Variants in GATAD2A observed in about 807,000 individuals in gnomAD.
GATAD2A encodes transcriptional repressor p66-alpha.
A neutral mutation model predicts 68.5 loss-of-function variants in GATAD2A; 12 were observed. The observed-to-expected ratio is 0.18, with a 90% CI of 0.11 to 0.28. The LOEUF is 0.28. GATAD2A is among the 10% of genes least tolerant of loss of function. The pLI is 1.00. For missense variants in GATAD2A, 755 were observed against 868.5 expected (o/e 0.87, Z 1.64); for synonymous variants, 410 against 375.3 (o/e 1.09, Z -1.07).
intron 1 of GATAD2A, 59 bp from the exon 2 acceptor site, chr19:19,465,281 A>G (rs2057780729): frequency 5.3e-6 from 7 of 1,322,116 alleles, no homozygotes; most frequent in African/African-American, 2.9e-5. Context: ...AAAGTCTCCA[A>G]GAAGGTGGCA....
At chr19:19,454,975 G>A (rs1298566444) in intron 1 of GATAD2A, among the ~76,000 whole-genome samples, 3 of 152,118 alleles carry the variant, frequency 2.0e-5, no homozygotes, top group Non-Finnish European at 2.9e-5. Context: ...AGTTTAATTC[G>A]CAGACACGCC....
intron 2 of GATAD2A, among the ~76,000 whole-genome samples, chr19:19,489,543 G>A (rs2059649178): frequency 6.6e-6 from 1 of 152,220 alleles, no homozygotes; most frequent in Non-Finnish European, 1.5e-5. Context: ...ATCATCTCTT[G>A]GATGAGTTAT....
At chr19:19,486,244 C>A (rs924159299) in intron 2 of GATAD2A, among the ~76,000 whole-genome samples, 2 of 152,244 alleles carry the variant, frequency 1.3e-5, no homozygotes, top group African/African-American at 4.8e-5. Context: ...GCAGATGTTT[C>A]AGGTTTGCCA....
chr19:19,418,012 C>A (rs1469712), intron 1 of GATAD2A, among the ~76,000 whole-genome samples: 65,202 of 151,632 alleles, frequency 0.43, 15,365 homozygotes, highest in African/African-American at 0.63. Context: ...GGGCACTCAG[C>A]TAAAGGGCGG....
rs139541580 is a variant in GATAD2A, at chr19:19,479,707, C to T, written c.270-12599C>T. 3.3e-5 allele frequency among the ~76,000 whole-genome samples: 5 copies of T among 152,184 alleles called. No homozygotes were observed. The East Asian group carries it at 5.8e-4, about 18-fold the overall frequency. ...AAAGGTACTGCTGGTCTTGAATGAA[C>T]GATCGTTTTGGTGAGGTGCCATTTG... On this transcript the variant is annotated intron_variant, in intron 2 of 11. Transcript: ENST00000683918.
At chr19:19,447,571 C>T (rs1424190102) in intron 1 of GATAD2A, among the ~76,000 whole-genome samples, 1 of 152,202 alleles carries the variant, frequency 6.6e-6, no homozygotes, top group Non-Finnish European at 1.5e-5. Context: ...GATTTCTGTC[C>T]CAGCCCTTAC....
At chr19:19,392,527 G>A (rs889204580) in intron 1 of GATAD2A, among the ~76,000 whole-genome samples, 16 of 151,316 alleles carry the variant, frequency 1.1e-4, no homozygotes, top group African/African-American at 3.2e-4. Flanking sequence ...GAGTAGCTGG[G>A]ATTACAGGCA....
In GATAD2A at chr19:19,453,130, C is replaced by T. The variant is rs867075229; in HGVS notation, c.-6-12210C>T. ...TTGCACTGTGACTGAAACCTCCCCT[C>T]CTCAGCGAGGCTTCTCCTGGGCCCC... On this transcript the variant is annotated intron_variant, in intron 1 of 11. Transcript: ENST00000683918. Among the ~76,000 whole-genome samples the T allele has an allele frequency of 2.7e-4, 41 of 152,296 alleles. 1 individual carries two copies. Among genetic ancestry groups the T allele is most frequent in the African/African-American group, 8.7e-4 (36 of 41,550 alleles).
chr19:19,453,980 T>A (rs1453871115), intron 1 of GATAD2A, among the ~76,000 whole-genome samples: 1 of 148,350 alleles, frequency 6.7e-6, no homozygotes, highest in East Asian at 2.0e-4. Context: ...TGTGTTTTTT[T>A]TTTTTTGTTT....
chr19:19,478,118 A>G (rs1292727595), intron 2 of GATAD2A, among the ~76,000 whole-genome samples: 1 of 152,192 alleles, frequency 6.6e-6, no homozygotes, highest in Admixed American at 6.5e-5. Context: ...CAGCAAAAAG[A>G]AAGTTACATG....
chr19:19,418,038 T>G (rs2051868331), intron 1 of GATAD2A, among the ~76,000 whole-genome samples: 1 of 152,154 alleles, frequency 6.6e-6, no homozygotes, highest in African/African-American at 2.4e-5. Flanking sequence ...AGCGGTGTCG[T>G]AGCAGTGGCA....
intron 8 of GATAD2A, among the ~76,000 whole-genome samples, chr19:19,499,761 T>C (rs1470060676): frequency 6.6e-6 from 1 of 152,140 alleles, no homozygotes; most frequent in Non-Finnish European, 1.5e-5. Context: ...TAGAGTTGCT[T>C]GTAACCCACT....
chr19:19,427,752 C>T, intron 1 of GATAD2A: 1 of 152,916 alleles, frequency 6.5e-6, no homozygotes, highest in South Asian at 2.0e-4. Context: ...TGGCTCACTG[C>T]AGCCTCCGCC....
At chr19:19,402,702 G>GA (rs1166950568), upstream of GATAD2A, 1 of 136,840 alleles carries the variant, frequency 7.3e-6, no homozygotes, top group Non-Finnish European at 1.6e-5. Context: ...AAAAAAAAAA[G>GA]AAAAAAAGAA....
intron 2 of GATAD2A, among the ~76,000 whole-genome samples, chr19:19,468,991 T>C (rs2148062399): frequency 6.6e-6 from 1 of 152,320 alleles, no homozygotes; most frequent in Admixed American, 6.5e-5. Context: ...GTACAAAAGA[T>C]GGGGAATTAA....
At chr19:19,402,518 C>G (rs2049847426), upstream of GATAD2A, 1 of 150,440 alleles carries the variant, frequency 6.6e-6, no homozygotes, top group Non-Finnish European at 1.5e-5. Flanking sequence ...GAAACCTTAT[C>G]TCTACTAAAA....
intron 2 of GATAD2A, among the ~76,000 whole-genome samples, chr19:19,479,141 C>T (rs747655909): frequency 6.6e-6 from 1 of 152,188 alleles, no homozygotes; most frequent in Non-Finnish European, 1.5e-5. Flanking sequence ...TGGCTAGTCT[C>T]TACTGGTGAG....
intron 1 of GATAD2A, chr19:19,435,198 T>C (rs533972365): frequency 8.1e-6 from 4 of 493,376 alleles, no homozygotes; most frequent in Non-Finnish European, 1.7e-5. Flanking sequence ...TGGAACATAC[T>C]CCTAAGTACC....
At chr19:19,421,565 T>G (rs933741587) in intron 1 of GATAD2A, among the ~76,000 whole-genome samples, 5 of 152,132 alleles carry the variant, frequency 3.3e-5, no homozygotes, top group African/African-American at 1.2e-4. Context: ...CTTAGAATTG[T>G]GGAGGGTGGA....
Sources: gnomAD v4.1 joint callset for allele counts (sites outside exome capture counted in the v4.1 genomes callset) on GRCh38, gnomAD v4.1.1 for gene constraint, MANE v1.5 for transcripts, NCBI Gene and HGNC (gene_info 2026-07-23, HGNC 2026-07-21) for gene names.